SLC35G1: variants seen among roughly 807,000 people sequenced by gnomAD.
SLC35G1 encodes partner of STIM1.
In SLC35G1, 10 loss-of-function variants were observed where a neutral mutation model predicts 17.1. The observed-to-expected ratio is 0.59, with a 90% CI of 0.36 to 0.99. The LOEUF is 0.99. Ranked by LOEUF, SLC35G1 falls within the 50% of genes least tolerant of loss-of-function variation. The pLI, the probability that SLC35G1 is intolerant of heterozygous loss-of-function variation, is 0.01. For synonymous variants in SLC35G1, 185 were observed against 181.1 expected, an observed-to-expected ratio of 1.02 and a Z score of -0.18; for missense variants, 433 against 468.4, an observed-to-expected ratio of 0.92 and a Z score of 0.70.
chr10:93,904,526 CT>C (rs962903183), downstream of SLC35G1, among the ~76,000 whole-genome samples: 8 of 152,326 alleles, frequency 5.3e-5, no homozygotes, highest in South Asian at 1.0e-3. Flanking sequence ...CATTTCCCCC[CT>C]GTCCTTACCT....
chr10:93,897,865 A>G (rs2060345881), intron 1 of SLC35G1, among the ~76,000 whole-genome samples: 1 of 152,240 alleles, frequency 6.6e-6, no homozygotes. Flanking sequence ...TGTGCTCTGA[A>G]TGGGAAGATA....
intron 1 of SLC35G1, among the ~76,000 whole-genome samples, chr10:93,896,880 G>A (rs568999293): frequency 2.0e-5 from 3 of 152,218 alleles, no homozygotes; most frequent in South Asian, 2.1e-4. Context: ...TGATCTTCTC[G>A]GTCTGTTCTG....
In SLC35G1 at chr10:93,901,626, A is replaced by G; in HGVS notation, c.*136A>G. ...AAATTGCCTAAAGTACCATTTTTGA[A>G]TATAGTATGTCTTTAGTTAAGAATA... is the stretch of plus-strand genomic sequence containing the variant. On this transcript the variant is annotated 3_prime_UTR_variant, in exon 3 of 3. Coordinates refer to ENST00000427197, the MANE Select transcript of SLC35G1 (RefSeq NM_001134658.3). The G allele has an allele frequency of 1.0e-6, 1 of 990,816 alleles. No individual in the cohort carries two copies. The highest frequency in any genetic ancestry group is 1.4e-6 in the Non-Finnish European group (1 of 719,814). 61.4% of individuals were successfully genotyped at this position (990,816 alleles called of 1,614,324 possible). A position where few individuals can be genotyped will look rare whatever the true frequency, so the allele number is the denominator to read the frequency against.
At chr10:93,895,857 T>C (rs1283970404) in intron 1 of SLC35G1, among the ~76,000 whole-genome samples, 1 of 152,152 alleles carries the variant, frequency 6.6e-6, no homozygotes. Context: ...CAAGGAGAAG[T>C]AGTTTCTTAG....
chr10:93,898,985 C>G (rs1327164164), intron 2 of SLC35G1, among the ~76,000 whole-genome samples: 2 of 152,164 alleles, frequency 1.3e-5, no homozygotes, highest in African/African-American at 4.8e-5. Context: ...CACCACCTCC[C>G]CTTTTGAAAA....
chr10:93,897,354 A>G (rs2060340215), intron 1 of SLC35G1, among the ~76,000 whole-genome samples: 1 of 152,230 alleles, frequency 6.6e-6, no homozygotes, highest in South Asian at 2.1e-4. Context: ...AGGGCATTTT[A>G]AAAAACATTA....
chr10:93,899,878 TC>T (rs1261421153), intron 2 of SLC35G1, among the ~76,000 whole-genome samples: 2 of 152,190 alleles, frequency 1.3e-5, no homozygotes. Flanking sequence ...AAATCCTTGG[TC>T]CTCATCTGTT....
rs1008607598 is a variant in SLC35G1 at position 93,902,955 on chromosome 10, T to C, written c.*1465T>C. 6.6e-6 allele frequency: 1 copy of C among 152,204 alleles called. No individual in the cohort carries two copies. The highest frequency in any genetic ancestry group is 1.5e-5 in the Non-Finnish European group (1 of 68,026). The allele number at this position is 152,204 out of a possible 1,614,324, so 9.4% of individuals were successfully genotyped here. A position where few individuals can be genotyped will look rare whatever the true frequency, so the allele number is the denominator to read the frequency against. ...TGTAATGAGCCCTTTATTGGTGAGG[T>C]TGCAATAGCTTCCAGCTCTTACTGT... is the stretch of plus-strand genomic sequence containing the variant. On this transcript the variant is annotated 3_prime_UTR_variant, in exon 3 of 3. Coordinates refer to ENST00000427197, the MANE Select transcript of SLC35G1 (RefSeq NM_001134658.3).
Position 93,901,635 on chromosome 10 carries a change from G to A in SLC35G1, c.*145G>A. 4 of 930,934 alleles carry A rather than the reference G, an allele frequency of 4.3e-6. No homozygotes were observed. The highest frequency in any genetic ancestry group is 2.9e-5 in the East Asian group (1 of 34,522). The allele number at this position is 930,934 out of a possible 1,614,324, so 57.7% of individuals were successfully genotyped here. A position where few individuals can be genotyped will look rare whatever the true frequency, so the allele number is the denominator to read the frequency against. ...AAAGTACCATTTTTGAATATAGTATGTCTTTAGTTAAGAATAGCTAGTCTG... is the reference window on the plus strand; with the variant it reads ...AAAGTACCATTTTTGAATATAGTATATCTTTAGTTAAGAATAGCTAGTCTG... On this transcript the variant is annotated 3_prime_UTR_variant, in exon 3 of 3. Transcript: ENST00000427197.
intron 2 of SLC35G1, 89 bp downstream of exon 2, chr10:93,898,840 C>T (rs2060355968): frequency 7.8e-7 from 1 of 1,290,212 alleles, no homozygotes; most frequent in African/African-American, 1.5e-5. Context: ...CTGCTTTATC[C>T]ATCTCATATA....
At chr10:93,900,705 C>T (rs367668423) in intron 2 of SLC35G1, 47 bp from the exon 3 acceptor site, 97 of 1,421,966 alleles carry the variant, frequency 6.8e-5, no homozygotes, top group Non-Finnish European at 7.8e-5. Context: ...AATTTAAAAA[C>T]AAATATTAAT....
chr10:93,901,092 T>A lies in SLC35G1; in HGVS notation c.700T>A (p.Phe234Ile). The part of the protein sequence containing the change: ...GTFAAIGSAV[F>I]AASTLVILRK... ...ATTCGCAGCAATTGGAAGTGCCGTA[T>A]TTGCTGCATCGACTCTAGTTATCCT... Residue 234 changes from phenylalanine (F) to isoleucine (I), a missense_variant, in exon 3 of 3, where the codon TTT becomes ATT. Transcript: ENST00000427197. The A allele has an allele frequency of 6.2e-7, 1 of 1,614,124 alleles. No homozygotes were observed.
At chr10:93,895,262 A>G (rs1299449739) in intron 1 of SLC35G1, among the ~76,000 whole-genome samples, 1 of 152,174 alleles carries the variant, frequency 6.6e-6, no homozygotes, top group Admixed American at 6.5e-5. Flanking sequence ...TAGGAAGACT[A>G]TTCTTGCTCC....
chr10:93,905,049 G>A (rs11813694), downstream of SLC35G1, among the ~76,000 whole-genome samples: 1,436 of 152,218 alleles, frequency 9.4e-3, 27 homozygotes, highest in African/African-American at 0.033. Flanking sequence ...CCTTTCATGC[G>A]CAGGTGTTAC....
intron 2 of SLC35G1, among the ~76,000 whole-genome samples, chr10:93,900,200 A>T (rs1169454568): frequency 6.6e-6 from 1 of 152,228 alleles, no homozygotes. Context: ...TCTCATATTC[A>T]ATGACTAAAA....
downstream of SLC35G1, among the ~76,000 whole-genome samples, chr10:93,906,700 C>T (rs998486807): frequency 4.0e-5 from 6 of 151,796 alleles, no homozygotes; most frequent in Admixed American, 6.6e-5. Context: ...AGATAAAATT[C>T]ACAAAAATTA....
At chr10:93,905,053 G>A (rs2134073530), downstream of SLC35G1, among the ~76,000 whole-genome samples, 1 of 152,248 alleles carries the variant, frequency 6.6e-6, no homozygotes, top group Admixed American at 6.5e-5. Context: ...TCATGCGCAG[G>A]TGTTACCACC....
Position 93,898,640 on chromosome 10 carries a change from C to T in SLC35G1, c.248C>T (p.Ser83Leu), listed in dbSNP as rs1390762113. The change falls in exon 2 of 3, where the codon TCA becomes TTA. Residue 83 changes from serine (S) to leucine (L), a missense_variant. Coordinates refer to ENST00000427197, the MANE Select transcript of SLC35G1 (RefSeq NM_001134658.3). Reference protein sequence around the residue: ...FYTLLSAFLFSVGSLFVKKVQ... With the variant: ...FYTLLSAFLFLVGSLFVKKVQ... ...ACATTATTGTCTGCCTTCCTTTTCT[C>T]AGTGGGCTCTTTATTTGTTAAAAAA... The T allele has an allele frequency of 1.2e-6, 2 of 1,613,854 alleles. No homozygotes were observed. Among genetic ancestry groups the T allele is most frequent in the Admixed American group, 1.7e-5 (1 of 59,982 alleles).
intron 2 of SLC35G1, among the ~76,000 whole-genome samples, 185 bp downstream of exon 2, chr10:93,898,936 A>G (rs1157930178): frequency 1.3e-5 from 2 of 152,190 alleles, no homozygotes; most frequent in Non-Finnish European, 2.9e-5. Context: ...AGCATAAACC[A>G]CATACCCAAC....
Sources: allele counts gnomAD v4.1 joint callset (sites outside exome capture counted in the v4.1 genomes callset), GRCh38; gene constraint gnomAD v4.1.1; transcripts MANE v1.5; gene names NCBI Gene and HGNC (gene_info 2026-07-23, HGNC 2026-07-21).